The following UGDH variants were observed in gnomAD, a reference collection of about 807,000 sequenced individuals.
UGDH encodes the protein UDP-Glc dehydrogenase.
In UGDH, 38 loss-of-function variants were observed where a neutral mutation model predicts 50.6. The ratio of observed to expected loss-of-function variants is 0.75; its 90% CI spans 0.58 to 0.98. The LOEUF (loss-of-function observed/expected upper bound fraction) is 0.98, where lower values mean the gene tolerates loss of function less well. Among genes scored for constraint, UGDH ranks in the 50% least tolerant of loss-of-function variants. UGDH has a pLI of 0.00. For missense variants in UGDH, 465 were observed against 606.2 expected (o/e 0.77, Z 2.45); for synonymous variants, 168 against 199.9 (o/e 0.84, Z 1.35).
chr4:39,511,778 C>T (rs545366876), intron 3 of UGDH, among the ~76,000 whole-genome samples: 32 of 149,786 alleles, frequency 2.1e-4, no homozygotes, highest in Admixed American at 1.9e-3. Context: ...GGCGCGATCT[C>T]GGATCACTGC....
intron 9 of UGDH, 105 bp downstream of exon 9, chr4:39,505,132 G>T: frequency 9.1e-7 from 1 of 1,093,712 alleles, no homozygotes; most frequent in Non-Finnish European, 1.3e-6. Context: ...TGAAAAGAGG[G>T]CCTACCAATG....
intron 1 of UGDH, among the ~76,000 whole-genome samples, chr4:39,525,486 G>A (rs574255535): frequency 6.7e-6 from 1 of 149,356 alleles, no homozygotes; most frequent in Non-Finnish European, 1.5e-5. Flanking sequence ...GAGCCACTGC[G>A]CCCAGCCCCA....
At chr4:39,522,484 C>T (rs551234527) in intron 1 of UGDH, among the ~76,000 whole-genome samples, 6 of 152,206 alleles carry the variant, frequency 3.9e-5, no homozygotes, top group African/African-American at 1.4e-4. Context: ...GAAGGCTGGC[C>T]TAATTTGAAT....
chr4:39,512,025 G>GGA (rs371826467), intron 3 of UGDH, among the ~76,000 whole-genome samples: 5 of 136,930 alleles, frequency 3.7e-5, no homozygotes, highest in African/African-American at 1.4e-4. Flanking sequence ...CTTTCATTTA[G>GGA]AAAAAAAAAA....
chr4:39,525,394 A>G (rs1746834271), intron 1 of UGDH, among the ~76,000 whole-genome samples: 1 of 151,914 alleles, frequency 6.6e-6, no homozygotes, highest in Admixed American at 6.6e-5. Flanking sequence ...GGGTTTCACC[A>G]TATTGGTCAG....
intron 1 of UGDH, among the ~76,000 whole-genome samples, chr4:39,525,235 C>T (rs10026148): frequency 2.6e-5 from 4 of 152,106 alleles, no homozygotes. Context: ...TCACTGTCAC[C>T]GAGGCTGGAG....
intron 2 of UGDH, among the ~76,000 whole-genome samples, 164 bp downstream of exon 2, chr4:39,521,187 C>T (rs1427444552): frequency 1.3e-5 from 2 of 151,906 alleles, no homozygotes; most frequent in Admixed American, 6.6e-5. Context: ...CCACATTACC[C>T]GAAGTAATGT....
At chr4:39,507,599 C>T (rs956013529) in intron 7 of UGDH, among the ~76,000 whole-genome samples, 12 of 152,000 alleles carry the variant, frequency 7.9e-5, no homozygotes, top group Admixed American at 3.3e-4. Flanking sequence ...CCACCATGCC[C>T]GACCAACGTT....
In UGDH at chr4:39,514,256, T is replaced by C. The variant is rs1245096185; in HGVS notation, c.163-72A>G. On this transcript the variant is annotated intron_variant, in intron 2 of 11. Coordinates refer to ENST00000316423, the MANE Select transcript of UGDH (RefSeq NM_003359.4). The stretch of plus-strand genomic sequence containing the variant: ...TATGAGATAACCTAATAGTATAGAA[T>C]TACATTTGTTAAAGGGCATGGTAAT... 1.1e-5 allele frequency: 13 copies of C among 1,166,042 alleles called. No individual in the cohort carries two copies. In the Admixed American group the frequency reaches 1.4e-4, roughly 12 times the overall value. 72.2% of individuals were successfully genotyped at this position (1,166,042 alleles called of 1,614,324 possible).
At chr4:39,514,760 G>A (rs1358016473) in intron 2 of UGDH, among the ~76,000 whole-genome samples, 1 of 150,114 alleles carries the variant, frequency 6.7e-6, no homozygotes, top group Non-Finnish European at 1.5e-5. Flanking sequence ...TCGGCTCACT[G>A]CGACTTCCGT....
At chr4:39,503,507 T>A (rs1745907251) in intron 11 of UGDH, among the ~76,000 whole-genome samples, 1 of 152,178 alleles carries the variant, frequency 6.6e-6, no homozygotes, top group South Asian at 2.1e-4. Context: ...TACCTTTAGA[T>A]CGCAAATTTA....
In UGDH at chr4:39,510,712, T is replaced by C. The variant is rs760662726; in HGVS notation, c.414A>G (p.Glu138=). Reference sequence around the variant, plus strand: ...TTGCATCAAATATGCGACGGATACTTTCTGCTGCCCGCACTGGAACTGTGC... The same window carrying C: ...TTGCATCAAATATGCGACGGATACTCTCTGCTGCCCGCACTGGAACTGTGC... ...EKSTVPVRAA[E]SIRRIFDANT... The change falls in exon 4 of 12, where the codon GAA becomes GAG. Residue 138 remains glutamate (E), a synonymous_variant. Transcript: ENST00000316423. The C allele has an allele frequency of 9.3e-6, 15 of 1,614,268 alleles. No individual in the cohort carries two copies. The highest frequency in any genetic ancestry group is 1.3e-5 in the Non-Finnish European group (15 of 1,180,050).
At chr4:39,505,547 C>T in intron 8 of UGDH, 71 bp downstream of exon 8, 3 of 1,410,114 alleles carry the variant, frequency 2.1e-6, no homozygotes, top group African/African-American at 1.4e-5. Flanking sequence ...GTACACCTAC[C>T]CCAATCAAAA....
intron 9 of UGDH, 144 bp from the exon 10 acceptor site, chr4:39,504,652 C>G (rs1745960007): frequency 1.0e-5 from 7 of 697,978 alleles, no homozygotes; most frequent in African/African-American, 5.4e-5. Flanking sequence ...CCTATATATA[C>G]TTACACACAT....
Position 39,510,012 on chromosome 4 carries a change from A to G in UGDH, c.664-105T>C, listed in dbSNP as rs185735807. On this transcript the variant is annotated intron_variant, in intron 5 of 11. Transcript: ENST00000316423. ...TGACGCAAATTACTGAGGGAGATAT[A>G]TAAGATACTGATGAGCTCAATTTGA... The G allele has an allele frequency of 3.5e-5, 46 of 1,309,030 alleles. No individual in the cohort carries two copies. The African/African-American group carries it at 5.4e-4, about 15-fold the overall frequency. 81.1% of individuals were successfully genotyped at this position (1,309,030 alleles called of 1,614,324 possible).
chr4:39,521,235 C>T, intron 2 of UGDH, 116 bp downstream of exon 2: 1 of 1,085,198 alleles, frequency 9.2e-7, no homozygotes, highest in Non-Finnish European at 1.3e-6. Context: ...AGATTTTTTT[C>T]ATTTAATTTC....
At chr4:39,526,946 G>A (rs2109954844) in intron 1 of UGDH, 2 of 1,197,032 alleles carry the variant, frequency 1.7e-6, no homozygotes, top group South Asian at 2.5e-5. Context: ...TCCCCAACGA[G>A]AGAACCGCTT....
Position 39,506,751 on chromosome 4 carries a change from C to A in UGDH, c.907-1003G>T, listed in dbSNP as rs149155499. ...ACCCTGAGAGCTTAAGCAATTAGCC[C>A]AAAGTGTTGGAAAATCAAGAGTTTA... On this transcript the variant is annotated intron_variant, in intron 7 of 11. Transcript: ENST00000316423. Among the ~76,000 whole-genome samples the A allele has an allele frequency of 6.3e-3, 956 of 152,264 alleles. 12 individuals carry two copies. Among genetic ancestry groups the A allele is most frequent in the African/African-American group, 0.021 (891 of 41,540 alleles).
chr4:39,509,933 A>C, intron 5 of UGDH, 26 bp from the exon 6 acceptor site: 1 of 1,567,756 alleles, frequency 6.4e-7, no homozygotes, highest in Middle Eastern at 1.7e-4. Flanking sequence ...CATAGAGAAG[A>C]GTAAGATAAG....
Sources: gnomAD v4.1 joint callset for allele counts (sites outside exome capture counted in the v4.1 genomes callset) on GRCh38, gnomAD v4.1.1 for gene constraint, MANE v1.5 for transcripts, NCBI Gene and HGNC (gene_info 2026-07-23, HGNC 2026-07-21) for gene names.